The following PDE1A variants were observed in gnomAD, a reference collection of about 807,000 sequenced individuals.
The protein encoded by PDE1A is phosphodiesterase 1A.
A neutral mutation model predicts 61.7 loss-of-function variants in PDE1A; 35 were observed. The observed-to-expected ratio is 0.57, with a 90% CI of 0.43 to 0.75. PDE1A has a LOEUF of 0.75. Among genes scored for constraint, PDE1A ranks in the 30% least tolerant of loss-of-function variants. The probability of loss-of-function intolerance (pLI) is 0.00; values close to 1 mark genes in which losing one functional copy is unlikely to be tolerated. For synonymous variants in PDE1A, 232 were observed against 213.2 expected, an observed-to-expected ratio of 1.09 and a Z score of -0.77; for missense variants, 597 against 630.6, an observed-to-expected ratio of 0.95 and a Z score of 0.57.
chr2:182,430,987 G>T (rs995082418), upstream of PDE1A, among the ~76,000 whole-genome samples: 9 of 137,164 alleles, frequency 6.6e-5, no homozygotes, highest in African/African-American at 2.4e-4. Context: ...GGATAGCATT[G>T]GGAGATATAC....
intron 2 of PDE1A, among the ~76,000 whole-genome samples, chr2:182,519,960 A>G (rs1232203077): frequency 6.6e-6 from 1 of 151,934 alleles, no homozygotes; most frequent in Admixed American, 6.6e-5. Flanking sequence ...ACAAATATCT[A>G]AAGGTCTTTA....
At chr2:182,619,134 CA>C in the PDE1A span, among the ~76,000 whole-genome samples, 1 of 151,870 alleles carries the variant, frequency 6.6e-6, no homozygotes, top group African/African-American at 2.4e-5. Context: ...TTAATTCTTG[CA>C]ATTATAATTT....
chr2:182,453,009 C>A (rs1383364223), intron 2 of PDE1A, among the ~76,000 whole-genome samples: 1 of 152,088 alleles, frequency 6.6e-6, no homozygotes, highest in African/African-American at 2.4e-5. Context: ...TCCAAGCTGA[C>A]CTATTAGAAA....
intron 1 of PDE1A, among the ~76,000 whole-genome samples, chr2:182,337,557 C>G (rs1337078273): frequency 6.6e-6 from 1 of 152,130 alleles, no homozygotes; most frequent in African/African-American, 2.4e-5. Flanking sequence ...TAGCTTTTCA[C>G]TAGAGTTTCC....
intron 1 of PDE1A, among the ~76,000 whole-genome samples, chr2:182,414,037 G>A (rs1326749065): frequency 2.6e-5 from 4 of 152,058 alleles, no homozygotes; most frequent in African/African-American, 9.6e-5. Flanking sequence ...AAAGAAATGT[G>A]AATCGGCACT....
intron 1 of PDE1A, among the ~76,000 whole-genome samples, chr2:182,330,954 T>C (rs6715692): frequency 0.22 from 34,201 of 152,034 alleles, 4,441 homozygotes; most frequent in East Asian, 0.57. Flanking sequence ...GGGCTTCCAC[T>C]GGGAGCTGTA....
the PDE1A span, among the ~76,000 whole-genome samples, chr2:182,538,039 G>A: frequency 0.054 from 8,149 of 152,070 alleles, 268 homozygotes; most frequent in Middle Eastern, 0.099. Flanking sequence ...CACTGATTTG[G>A]TCCAGCCACA....
intron 2 of PDE1A, among the ~76,000 whole-genome samples, chr2:182,516,165 G>A (rs1023502080): frequency 7.2e-5 from 11 of 152,124 alleles, no homozygotes; most frequent in African/African-American, 2.7e-4. Flanking sequence ...AAATTTCACT[G>A]AGTTCTAGTA....
chr2:182,435,504 C>A (rs1454579349), intron 2 of PDE1A, among the ~76,000 whole-genome samples: 1 of 151,996 alleles, frequency 6.6e-6, no homozygotes, highest in Non-Finnish European at 1.5e-5. Flanking sequence ...ATGCGGCATT[C>A]GCCTGCAGTT....
chr2:182,627,935 C>T, the PDE1A span, among the ~76,000 whole-genome samples: 12 of 135,356 alleles, frequency 8.9e-5, no homozygotes, highest in South Asian at 3.1e-3. Flanking sequence ...CAGAGTGAGA[C>T]TCCATCTCAA....
At chr2:182,713,029 A>G in the PDE1A span, among the ~76,000 whole-genome samples, 1 of 152,256 alleles carries the variant, frequency 6.6e-6, no homozygotes, top group Admixed American at 6.5e-5. Context: ...GGCTTGCTAC[A>G]TTCTGGTGAT....
At chr2:182,589,228 GA>G in the PDE1A span, among the ~76,000 whole-genome samples, 71 of 121,242 alleles carry the variant, frequency 5.9e-4, no homozygotes, top group Middle Eastern at 0.013. Context: ...AGAAAGAAAA[GA>G]AAAAAAGGGG....
At chr2:182,142,704 C>T (rs1185550598), downstream of PDE1A, 1 of 152,090 alleles carries the variant, frequency 6.6e-6, no homozygotes, top group Non-Finnish European at 1.5e-5. Context: ...TTTAAAATAC[C>T]TCATCTTCTG....
the PDE1A span, among the ~76,000 whole-genome samples, chr2:182,714,507 G>A: frequency 6.6e-6 from 1 of 152,120 alleles, no homozygotes; most frequent in Admixed American, 6.5e-5. Context: ...GCCATAAGAA[G>A]TCAGAAGTTA....
At chr2:182,453,380 C>T (rs1476273524) in intron 2 of PDE1A, among the ~76,000 whole-genome samples, 1 of 151,826 alleles carries the variant, frequency 6.6e-6, no homozygotes, top group African/African-American at 2.4e-5. Flanking sequence ...AAATTGGACA[C>T]ATGATGCCCG....
chr2:182,644,746 G>A, the PDE1A span, among the ~76,000 whole-genome samples: 1 of 151,984 alleles, frequency 6.6e-6, no homozygotes, highest in African/African-American at 2.4e-5. Context: ...TAGCATAAGA[G>A]GCAGAATGAC....
intron 1 of PDE1A, among the ~76,000 whole-genome samples, chr2:182,399,115 T>A (rs1701860782): frequency 6.7e-6 from 1 of 149,084 alleles, no homozygotes; most frequent in Non-Finnish European, 1.5e-5. Context: ...TCTTTAAAAT[T>A]TTTTTTGTCT....
chr2:182,173,437 G>T (rs28420082), intron 13 of PDE1A, among the ~76,000 whole-genome samples: 30,707 of 151,810 alleles, frequency 0.2, 3,315 homozygotes, highest in East Asian at 0.31. Context: ...CCTTCTGAAA[G>T]TTCCACTCTA....
chr2:182,403,180 C>T (rs531075728), intron 1 of PDE1A, among the ~76,000 whole-genome samples: 1 of 152,110 alleles, frequency 6.6e-6, no homozygotes, highest in Non-Finnish European at 1.5e-5. Context: ...TGGGTATATA[C>T]CCAAAGGACT....
Sources: allele counts gnomAD v4.1 joint callset (sites outside exome capture counted in the v4.1 genomes callset), GRCh38; gene constraint gnomAD v4.1.1; transcripts MANE v1.5; gene names NCBI Gene and HGNC (gene_info 2026-07-23, HGNC 2026-07-21).